Variants in RNF217 observed in about 807,000 individuals in gnomAD.
RNF217 encodes ring finger protein 217, also known as E3 ubiquitin-protein ligase RNF217.
RNF217 carries 31 observed loss-of-function variants against 57.8 expected under a neutral mutation model. That is an observed-to-expected ratio of 0.54 (90% CI 0.40 to 0.72). RNF217 has a LOEUF of 0.72. RNF217 is among the 30% of genes least tolerant of loss of function. The pLI is 0.00. For synonymous variants in RNF217, 313 were observed against 294.0 expected (o/e 1.06, Z -0.66); for missense variants, 696 against 708.3 (o/e 0.98, Z 0.20).
intron 1 of RNF217, among the ~76,000 whole-genome samples, chr6:125,013,958 A>T (rs1246510109): frequency 6.6e-6 from 1 of 152,214 alleles, no homozygotes; most frequent in Non-Finnish European, 1.5e-5. Flanking sequence ...CTACATGTGC[A>T]AGTTATACTG....
At position 125,092,292 on chromosome 6, in the gene RNF217, C is replaced by T. The variant is rs749670061; in HGVS notation, c.*9355C>T. The T allele has an allele frequency of 4.6e-5, 7 of 152,152 alleles. No homozygotes were observed. Among genetic ancestry groups the T allele is most frequent in the Non-Finnish European group, 1.0e-4 (7 of 68,016 alleles). The allele number at this position is 152,152 out of a possible 1,614,324, so 9.4% of individuals were successfully genotyped here. A position where few individuals can be genotyped will look rare whatever the true frequency, so the allele number is the denominator to read the frequency against. On this transcript the variant is annotated 3_prime_UTR_variant, in exon 6 of 6. Coordinates refer to ENST00000521654, the MANE Select transcript of RNF217 (RefSeq NM_001286398.3). ...TGTCAGATCACACAAATTTTAGGGA[C>T]AAGTCTTTCAAAAGACGGACACCTT...
intron 1 of RNF217, among the ~76,000 whole-genome samples, chr6:124,990,593 A>G (rs989091465): frequency 6.6e-6 from 1 of 152,196 alleles, no homozygotes; most frequent in African/African-American, 2.4e-5. Flanking sequence ...GTCATAGCAC[A>G]TTCTTATTTT....
In RNF217 at chr6:125,083,403, T is replaced by C. The variant is rs1788674421; in HGVS notation, c.*466T>C. ...AAGATAAGAGTTCACTGAATGCACCTATTATAATCTGTGGCCCCAGCAGTA... is the reference window on the plus strand; with the variant it reads ...AAGATAAGAGTTCACTGAATGCACCCATTATAATCTGTGGCCCCAGCAGTA... On this transcript the variant is annotated 3_prime_UTR_variant, in exon 6 of 6. Coordinates refer to ENST00000521654, the MANE Select transcript of RNF217 (RefSeq NM_001286398.3). 1 of 152,450 alleles carries C rather than the reference T, an allele frequency of 6.6e-6. No homozygotes were observed. Among genetic ancestry groups the C allele is most frequent in the Admixed American group, 6.6e-5 (1 of 15,248 alleles). 9.4% of individuals were successfully genotyped at this position (152,450 alleles called of 1,614,324 possible). A position where few individuals can be genotyped will look rare whatever the true frequency, so the allele number is the denominator to read the frequency against.
chr6:125,008,271 T>G (rs544456674), intron 1 of RNF217, among the ~76,000 whole-genome samples: 1 of 151,764 alleles, frequency 6.6e-6, no homozygotes, highest in Non-Finnish European at 1.5e-5. Flanking sequence ...AAAAAAAAGT[T>G]ATGTGAATGT....
chr6:125,064,565 TA>T (rs1178913636), intron 3 of RNF217, among the ~76,000 whole-genome samples: 4 of 152,184 alleles, frequency 2.6e-5, no homozygotes, highest in Non-Finnish European at 5.9e-5. Flanking sequence ...TTTTAACATG[TA>T]AATACTCAGA....
chr6:125,029,605 T>C (rs1415879370), intron 1 of RNF217, among the ~76,000 whole-genome samples: 2 of 152,208 alleles, frequency 1.3e-5, no homozygotes, highest in African/African-American at 4.8e-5. Context: ...AAGGCATTGA[T>C]ACTTGCCAAT....
intron 1 of RNF217, among the ~76,000 whole-genome samples, chr6:124,997,309 A>T (rs899176331): frequency 1.3e-5 from 2 of 152,180 alleles, no homozygotes; most frequent in African/African-American, 4.8e-5. Flanking sequence ...AACATGTTGT[A>T]TTACAATCCT....
intron 3 of RNF217, among the ~76,000 whole-genome samples, chr6:125,070,437 G>A: frequency 6.6e-6 from 1 of 152,194 alleles, no homozygotes; most frequent in East Asian, 1.9e-4. Context: ...GTTTTCCATA[G>A]TGATTGTACT....
At chr6:124,985,590 T>C (rs1311397884) in intron 1 of RNF217, among the ~76,000 whole-genome samples, 2 of 152,142 alleles carry the variant, frequency 1.3e-5, no homozygotes, top group Non-Finnish European at 2.9e-5. Flanking sequence ...ATATATGTAT[T>C]GAAAATACAA....
chr6:125,011,408 A>G (rs1785410190), intron 1 of RNF217, among the ~76,000 whole-genome samples: 1 of 152,118 alleles, frequency 6.6e-6, no homozygotes, highest in African/African-American at 2.4e-5. Flanking sequence ...CTCAGCGAGG[A>G]TAGACAATCA....
chr6:125,010,677 A>G (rs1785381549), intron 1 of RNF217, among the ~76,000 whole-genome samples: 1 of 152,190 alleles, frequency 6.6e-6, no homozygotes, highest in African/African-American at 2.4e-5. Context: ...TATTCTACTT[A>G]ATGCTTTAGG....
intron 3 of RNF217, among the ~76,000 whole-genome samples, chr6:125,060,356 TACACACAC>T (rs71706851): frequency 6.7e-6 from 1 of 150,128 alleles, no homozygotes; most frequent in Non-Finnish European, 1.5e-5. Context: ...TATATGTGTA[TACACACAC>T]ACACACACAC....
intron 1 of RNF217, among the ~76,000 whole-genome samples, chr6:124,964,145 A>G (rs1783429679): frequency 6.6e-6 from 1 of 152,218 alleles, no homozygotes; most frequent in South Asian, 2.1e-4. Context: ...TTGAGAGTGC[A>G]CCAGACCAGC....
chr6:124,997,092 T>G (rs557994382), intron 1 of RNF217, among the ~76,000 whole-genome samples: 1 of 152,346 alleles, frequency 6.6e-6, no homozygotes, highest in East Asian at 1.9e-4. Context: ...AAAGAATTTA[T>G]TTTCTGTTTT....
At chr6:124,993,275 A>G (rs1784629168) in intron 1 of RNF217, among the ~76,000 whole-genome samples, 1 of 152,184 alleles carries the variant, frequency 6.6e-6, no homozygotes, top group African/African-American at 2.4e-5. Flanking sequence ...CTGTATTTTT[A>G]CAAGTATCTT....
chr6:124,981,389 G>T (rs917327954), intron 1 of RNF217, among the ~76,000 whole-genome samples: 39 of 152,118 alleles, frequency 2.6e-4, no homozygotes, highest in Non-Finnish European at 2.9e-5. Flanking sequence ...CAAGGTGGTC[G>T]GGGTACAGCT....
At chr6:125,033,194 GT>G (rs1786435555) in intron 1 of RNF217, among the ~76,000 whole-genome samples, 2 of 148,880 alleles carry the variant, frequency 1.3e-5, no homozygotes, top group Admixed American at 1.3e-4. Flanking sequence ...CAGATTCTGT[GT>G]TCTTTTTTTT....
chr6:124,980,078 C>T (rs1208201949), intron 1 of RNF217, among the ~76,000 whole-genome samples: 1 of 152,140 alleles, frequency 6.6e-6, no homozygotes, highest in African/African-American at 2.4e-5. Flanking sequence ...TAGGATTAGC[C>T]TCTGTTCAAC....
At chr6:124,965,226 T>G (rs1783492141) in intron 1 of RNF217, among the ~76,000 whole-genome samples, 1 of 152,170 alleles carries the variant, frequency 6.6e-6, no homozygotes, top group Admixed American at 6.5e-5. Context: ...TCTGATTGTA[T>G]GTATGTGCCT....
Sources: allele counts gnomAD v4.1 joint callset (sites outside exome capture counted in the v4.1 genomes callset), GRCh38; gene constraint gnomAD v4.1.1; transcripts MANE v1.5; gene names NCBI Gene and HGNC (gene_info 2026-07-23, HGNC 2026-07-21).